FOXO3: variants seen among roughly 807,000 people sequenced by gnomAD.
FOXO3 encodes the protein forkhead box protein O3.
FOXO3 carries 4 observed loss-of-function variants against 41.9 expected under a neutral mutation model. That is an observed-to-expected ratio of 0.10 (90% confidence interval 0.05 to 0.22). The LOEUF (loss-of-function observed/expected upper bound fraction) is 0.22, where lower values mean the gene tolerates loss of function less well. FOXO3 is among the 10% of genes least tolerant of loss of function. The pLI, the probability that FOXO3 is intolerant of heterozygous loss-of-function variation, is 1.00. For missense variants in FOXO3, 534 were observed against 906.8 expected, an observed-to-expected ratio of 0.59 and a Z score of 5.28; for synonymous variants, 318 against 389.3, an observed-to-expected ratio of 0.82 and a Z score of 2.16.
rs112651789 is a variant in FOXO3, at chr6:108,622,043, G to A, written c.622-41412G>A. Among the ~76,000 whole-genome samples, 999 of 152,116 alleles carry A rather than the reference G, an allele frequency of 6.6e-3. 14 individuals are homozygous for A. The highest frequency in any genetic ancestry group is 0.023 in the African/African-American group (961 of 41,484). ...AAGGCGGGTGGATCACTTGAGATCA[G>A]GCGTTTGAGACCATCCTAGCCTGGC... On this transcript the variant is annotated intron_variant, in intron 1 of 2. Coordinates refer to ENST00000406360, the MANE Select transcript of FOXO3 (RefSeq NM_001455.4).
chr6:108,619,710 T>A (rs544855501), intron 1 of FOXO3, among the ~76,000 whole-genome samples: 50 of 152,374 alleles, frequency 3.3e-4, no homozygotes, highest in African/African-American at 1.1e-3. Context: ...TGCCCCACTT[T>A]TGAAACAATT....
intron 1 of FOXO3, among the ~76,000 whole-genome samples, chr6:108,622,924 C>T (rs760650630): frequency 3.9e-4 from 59 of 149,426 alleles, no homozygotes; most frequent in Non-Finnish European, 7.5e-4. Flanking sequence ...CATAAGAGGG[C>T]CTTTTAGAAA....
intron 1 of FOXO3, among the ~76,000 whole-genome samples, chr6:108,641,244 G>T (rs977659739): frequency 6.6e-6 from 1 of 152,124 alleles, no homozygotes; most frequent in Non-Finnish European, 1.5e-5. Flanking sequence ...AGGGATTGTT[G>T]TAGCTAATTT....
rs751052530 is a variant in FOXO3 at position 108,561,846 on chromosome 6, G to T, written c.621+17G>T. 1.3e-6 allele frequency: 2 copies of T among 1,522,116 alleles called. No individual in the cohort carries two copies. Among genetic ancestry groups the T allele is most frequent in the Non-Finnish European group, 1.8e-6 (2 of 1,135,218 alleles). The allele number at this position is 1,522,116 out of a possible 1,614,324, so 94.3% of individuals were successfully genotyped here. ...GGCTGGAAGGTGCGTACCCACCCCG[G>T]GCTGGCAGCAGGACCCGCCGGGCCT... On this transcript the variant is annotated intron_variant, in intron 1 of 2. Transcript: ENST00000406360.
At chr6:108,636,100 C>T (rs1354089650) in intron 1 of FOXO3, among the ~76,000 whole-genome samples, 1 of 152,210 alleles carries the variant, frequency 6.6e-6, no homozygotes, top group Non-Finnish European at 1.5e-5. Context: ...GTTCTGAGGG[C>T]TGGGTTCATG....
intron 1 of FOXO3, among the ~76,000 whole-genome samples, chr6:108,647,276 A>G (rs1431639906): frequency 6.6e-6 from 1 of 152,162 alleles, no homozygotes; most frequent in Non-Finnish European, 1.5e-5. Context: ...GATTACTTGC[A>G]AGTTGTTGCT....
At chr6:108,625,851 G>A (rs1379016844) in intron 1 of FOXO3, among the ~76,000 whole-genome samples, 2 of 152,162 alleles carry the variant, frequency 1.3e-5, no homozygotes, top group Admixed American at 1.3e-4. Context: ...TGTAGTATTA[G>A]TAGGGTGCCT....
chr6:108,579,322 C>T (rs935902357), intron 1 of FOXO3, among the ~76,000 whole-genome samples: 2 of 152,114 alleles, frequency 1.3e-5, no homozygotes, highest in African/African-American at 4.8e-5. Flanking sequence ...TCCTCAGATT[C>T]ACCAAGATTC....
intron 2 of FOXO3, among the ~76,000 whole-genome samples, chr6:108,667,070 G>A (rs2128388653): frequency 6.6e-6 from 1 of 152,286 alleles, no homozygotes; most frequent in African/African-American, 2.4e-5. Flanking sequence ...GCAGAAAGGG[G>A]AATGTTAAGA....
intron 1 of FOXO3, among the ~76,000 whole-genome samples, chr6:108,633,288 C>T (rs966267737): frequency 6.6e-6 from 1 of 151,714 alleles, no homozygotes; most frequent in African/African-American, 2.4e-5. Flanking sequence ...AACTTTCACT[C>T]GTGCACTAGA....
intron 1 of FOXO3, among the ~76,000 whole-genome samples, chr6:108,659,024 A>G (rs116872772): frequency 6.6e-6 from 1 of 152,122 alleles, no homozygotes; most frequent in Non-Finnish European, 1.5e-5. Context: ...AGCTGTGACT[A>G]TAGGTACATG....
chr6:108,617,921 C>T lies in FOXO3; in HGVS notation c.622-45534C>T, dbSNP rs1332908472. ...GTAGTAGTCAGGGATGTATTGGAAC[C>T]AAATTGCAGTTTTCTACTTGAGAAG... On this transcript the variant is annotated intron_variant, in intron 1 of 2. Transcript: ENST00000406360. 1.2e-5 allele frequency: 5 copies of T among 426,982 alleles called. No individual in the cohort carries two copies. The East Asian group carries it at 2.6e-4, about 22-fold the overall frequency. 26.4% of individuals were successfully genotyped at this position (426,982 alleles called of 1,614,324 possible). A position where few individuals can be genotyped will look rare whatever the true frequency, so the allele number is the denominator to read the frequency against.
upstream of FOXO3, among the ~76,000 whole-genome samples, chr6:108,560,405 C>G (rs908118335): frequency 5.3e-5 from 8 of 152,334 alleles, no homozygotes; most frequent in African/African-American, 1.9e-4. Context: ...TCTGCGAACA[C>G]CCGCTGGGCT....
intron 1 of FOXO3, among the ~76,000 whole-genome samples, chr6:108,606,632 C>T (rs1777210006): frequency 6.6e-6 from 1 of 152,226 alleles, no homozygotes. Flanking sequence ...TGTGAACAAG[C>T]AGGTTCAGAA....
chr6:108,582,949 A>T (rs1458995545), intron 1 of FOXO3, among the ~76,000 whole-genome samples: 1 of 152,106 alleles, frequency 6.6e-6, no homozygotes, highest in Non-Finnish European at 1.5e-5. Context: ...GATGCAAATT[A>T]ATGCCAAATT....
At chr6:108,627,944 A>C (rs1188769141) in intron 1 of FOXO3, among the ~76,000 whole-genome samples, 1 of 152,184 alleles carries the variant, frequency 6.6e-6, no homozygotes, top group African/African-American at 2.4e-5. Flanking sequence ...CAGTATATGC[A>C]TATTTAAGGT....
intron 1 of FOXO3, among the ~76,000 whole-genome samples, chr6:108,639,120 C>A (rs993456658): frequency 6.6e-6 from 1 of 152,150 alleles, no homozygotes; most frequent in Non-Finnish European, 1.5e-5. Context: ...TATCCCTTTT[C>A]ACTGGAGACA....
chr6:108,620,856 T>C (rs1464697687), intron 1 of FOXO3, among the ~76,000 whole-genome samples: 2 of 152,200 alleles, frequency 1.3e-5, no homozygotes, highest in Non-Finnish European at 2.9e-5. Flanking sequence ...TTTTATTGAA[T>C]AGTGTTTTAT....
At chr6:108,602,666 A>G (rs937709368) in intron 1 of FOXO3, among the ~76,000 whole-genome samples, 3 of 152,210 alleles carry the variant, frequency 2.0e-5, no homozygotes, top group Admixed American at 6.5e-5. Flanking sequence ...CCAAAAAAAA[A>G]AACCTTTTAT....
Sources: allele counts gnomAD v4.1 joint callset (sites outside exome capture counted in the v4.1 genomes callset), GRCh38; gene constraint gnomAD v4.1.1; transcripts MANE v1.5; gene names NCBI Gene and HGNC (gene_info 2026-07-23, HGNC 2026-07-21).